JMY: variants seen among roughly 807,000 people sequenced by gnomAD.
JMY encodes junction-mediating and -regulatory protein.
Under a neutral mutation model 103.3 loss-of-function variants are expected in JMY, and 46 were observed. The observed-to-expected ratio is 0.45, with a 90% CI of 0.35 to 0.57. JMY has a LOEUF of 0.57. Among genes scored for constraint, JMY ranks in the 20% least tolerant of loss-of-function variants. JMY has a pLI of 0.00. For missense variants in JMY, 1,238 were observed against 1,255.2 expected (o/e 0.99, Z 0.21); for synonymous variants, 526 against 489.3 (o/e 1.07, Z -0.99).
rs114400030 is a variant in JMY at position 79,273,004 on chromosome 5, G to T, written c.1033-4906G>T. 5.5e-3 allele frequency among the ~76,000 whole-genome samples: 835 copies of T among 152,074 alleles called. 10 individuals carry two copies. Among genetic ancestry groups the T allele is most frequent in the African/African-American group, 0.02 (818 of 41,476 alleles). On this transcript the variant is annotated intron_variant, in intron 1 of 10. Transcript: ENST00000396137. Reference sequence around the variant, plus strand: ...TCTAACCCTGTTCTTTATGCTTTAGGTTTCATATTTATTATAGTCAGATAC... The same window carrying T: ...TCTAACCCTGTTCTTTATGCTTTAGTTTTCATATTTATTATAGTCAGATAC...
chr5:79,318,691 A>G (rs1341422550), intron 10 of JMY, among the ~76,000 whole-genome samples: 1 of 151,572 alleles, frequency 6.6e-6, no homozygotes, highest in African/African-American at 2.4e-5. Flanking sequence ...ATCCCAAAGT[A>G]ACTTCGAGTT....
chr5:79,255,339 T>C (rs113777845), intron 1 of JMY, among the ~76,000 whole-genome samples: 1 of 152,254 alleles, frequency 6.6e-6, no homozygotes, highest in African/African-American at 2.4e-5. Flanking sequence ...TCAATTGATC[T>C]GCTTGCCTCG....
At chr5:79,279,962 G>GC (rs1442520968) in intron 2 of JMY, among the ~76,000 whole-genome samples, 1 of 152,126 alleles carries the variant, frequency 6.6e-6, no homozygotes, top group African/African-American at 2.4e-5. Flanking sequence ...TCCCACCTCA[G>GC]CCCCACAAGT....
intron 1 of JMY, 90 bp downstream of exon 1, chr5:79,237,772 G>A: frequency 2.6e-6 from 3 of 1,143,456 alleles, no homozygotes; most frequent in Non-Finnish European, 3.7e-6. Context: ...TCGGGTGTGC[G>A]CAGTAGGACG....
chr5:79,300,000 AT>A (rs36021080), intron 4 of JMY, among the ~76,000 whole-genome samples, 152 bp from the exon 5 acceptor site: 1 of 151,594 alleles, frequency 6.6e-6, no homozygotes, highest in African/African-American at 2.4e-5. Context: ...ATATATATAT[AT>A]TTTTAAAGTC....
chr5:79,237,778 G>C (rs1234497344), intron 1 of JMY, 96 bp downstream of exon 1: 2 of 1,120,040 alleles, frequency 1.8e-6, no homozygotes, highest in Non-Finnish European at 2.5e-6. Context: ...GTGCGCAGTA[G>C]GACGGTTGTT....
Position 79,237,424 on chromosome 5 carries a change from G to A in JMY, c.774G>A (p.Val258=). The A allele has an allele frequency of 6.2e-7, 1 of 1,613,830 alleles. No homozygotes were observed. Among genetic ancestry groups the A allele is most frequent in the Non-Finnish European group, 8.5e-7 (1 of 1,180,040 alleles). Residue 258 remains valine, a synonymous_variant, in exon 1 of 11, where the codon GTG becomes GTA. Transcript: ENST00000396137. ...CGCAGTTGGAGCCGTGCCTGCCGGT[G>A]TTCCCCGAGGAACCTTCGGGCATGT... ...VNSQLEPCLP[V]FPEEPSGMWT...
Position 79,283,000 on chromosome 5 carries a change from A to G in JMY, c.1206+4917A>G, listed in dbSNP as rs113095640. On this transcript the variant is annotated intron_variant, in intron 2 of 10. Coordinates refer to ENST00000396137, the MANE Select transcript of JMY (RefSeq NM_152405.5). The stretch of plus-strand genomic sequence containing the variant: ...ACAGAGAATGATAATAATAATAATA[A>G]TTATTATTATTTTGAGACGGAGTTT... Among the ~76,000 whole-genome samples, 7 of 149,170 alleles carry G rather than the reference A, an allele frequency of 4.7e-5. No individual in the cohort carries two copies. In the East Asian group the frequency reaches 5.9e-4, roughly 13 times the overall value.
rs1744557017 is a variant in JMY, at chr5:79,237,391, G to C, written c.741G>C (p.Ser247=). The C allele has an allele frequency of 6.2e-7, 1 of 1,613,348 alleles. No homozygotes were observed. The change falls in exon 1 of 11, where the codon TCG becomes TCC. Residue 247 remains serine (S), a synonymous_variant. Coordinates refer to ENST00000396137, the MANE Select transcript of JMY (RefSeq NM_152405.5). ...DLRAVHQQLC[S]VNSQLEPCLP... is the part of the protein sequence containing the mutation. ...GCGCCGTGCACCAGCAGCTGTGCTC[G>C]GTGAACTCGCAGTTGGAGCCGTGCC...
intron 6 of JMY, 56 bp from the exon 7 acceptor site, chr5:79,306,319 G>T: frequency 8.3e-7 from 1 of 1,201,550 alleles, no homozygotes. Context: ...CCTTGGTGTG[G>T]TGTTCAGAGT....
Position 79,236,598 on chromosome 5 carries a change from C to A in JMY, c.-53C>A, listed in dbSNP as rs918899126. ...GGCGCGGCGCAGCCAGCGGGGAGTC[C>A]TCGGGCGGGCCGGGCCGGCGGCCCT... On this transcript the variant is annotated 5_prime_UTR_variant, in exon 1 of 11. Transcript: ENST00000396137. The A allele has an allele frequency of 1.5e-6, 2 of 1,318,262 alleles. No individual in the cohort carries two copies. The highest frequency in any genetic ancestry group is 9.8e-7 in the Non-Finnish European group (1 of 1,022,054). The allele number at this position is 1,318,262 out of a possible 1,614,324, so 81.7% of individuals were successfully genotyped here.
chr5:79,293,008 A>G (rs1002057355), intron 4 of JMY, among the ~76,000 whole-genome samples: 6 of 152,170 alleles, frequency 3.9e-5, no homozygotes, highest in African/African-American at 1.4e-4. Flanking sequence ...ACATGCCCAC[A>G]TTACTCATGA....
chr5:79,253,399 T>C (rs1745147606), intron 1 of JMY, among the ~76,000 whole-genome samples: 1 of 152,068 alleles, frequency 6.6e-6, no homozygotes, highest in Non-Finnish European at 1.5e-5. Context: ...TTCAAGCGAT[T>C]CTTCTGCCTC....
At chr5:79,308,416 G>A (rs1471398271) in intron 7 of JMY, among the ~76,000 whole-genome samples, 4 of 152,176 alleles carry the variant, frequency 2.6e-5, no homozygotes, top group Non-Finnish European at 5.9e-5. Context: ...TTTGTGTCTA[G>A]TTTAGGCTTG....
rs193244436 is a variant in JMY, at chr5:79,288,527, C to G, written c.1207-1594C>G. Among the ~76,000 whole-genome samples, 8 of 152,214 alleles carry G rather than the reference C, an allele frequency of 5.3e-5. No individual in the cohort carries two copies. In the East Asian group the frequency reaches 1.4e-3, roughly 26 times the overall value. ...ACACTTAACCATCTTTAGTATCTGG[C>G]TAAAATTCTGTTAATATAAAATTCT... On this transcript the variant is annotated intron_variant, in intron 2 of 10. Coordinates refer to ENST00000396137, the MANE Select transcript of JMY (RefSeq NM_152405.5).
chr5:79,318,773 G>C (rs1480925690), intron 10 of JMY, among the ~76,000 whole-genome samples: 29 of 23,214 alleles, frequency 1.2e-3, no homozygotes, highest in African/African-American at 1.9e-3. Flanking sequence ...GAGAGAGAGA[G>C]AGAGAGAGAG....
At chr5:79,294,176 G>C (rs1217990329) in intron 4 of JMY, among the ~76,000 whole-genome samples, 2 of 152,162 alleles carry the variant, frequency 1.3e-5, no homozygotes, top group African/African-American at 2.4e-5. Context: ...GGCTGAGGCG[G>C]GTAGATCACC....
At chr5:79,317,002 G>A (rs1056412408) in intron 10 of JMY, among the ~76,000 whole-genome samples, 9 of 151,132 alleles carry the variant, frequency 6.0e-5, no homozygotes, top group Admixed American at 4.6e-4. Context: ...GAGCCCAGGC[G>A]TTCAAATCCG....
chr5:79,321,141 T>C (rs993478731), intron 10 of JMY, among the ~76,000 whole-genome samples: 1 of 152,228 alleles, frequency 6.6e-6, no homozygotes. Context: ...GAGTATGTCT[T>C]TTATATAAAT....
Sources: gnomAD v4.1 joint callset for allele counts (sites outside exome capture counted in the v4.1 genomes callset) on GRCh38, gnomAD v4.1.1 for gene constraint, MANE v1.5 for transcripts, NCBI Gene and HGNC (gene_info 2026-07-23, HGNC 2026-07-21) for gene names.